Variants in LYRM4 observed in about 807,000 individuals in gnomAD.
LYRM4 encodes LYR motif-containing protein 4.
Under a neutral mutation model 11.7 loss-of-function variants are expected in LYRM4, and 9 were observed. That is an observed-to-expected ratio of 0.77 (90% CI 0.46 to 1.34). LYRM4 has a LOEUF of 1.34. Among genes scored for constraint, LYRM4 ranks in the 40% most tolerant of loss-of-function variants. The probability of loss-of-function intolerance (pLI) is 0.00; values close to 1 mark genes in which losing one functional copy is unlikely to be tolerated. For synonymous variants in LYRM4, 42 were observed against 40.4 expected, an observed-to-expected ratio of 1.04 and a Z score of -0.15; for missense variants, 133 against 112.5, an observed-to-expected ratio of 1.18 and a Z score of -0.82.
At chr6:5,229,133 T>C (rs1410078553) in intron 1 of LYRM4, among the ~76,000 whole-genome samples, 2 of 150,718 alleles carry the variant, frequency 1.3e-5, no homozygotes, top group East Asian at 3.9e-4. Context: ...TGAAAAAAGG[T>C]CAGTAGACAC....
At position 5,260,738 on chromosome 6, in the gene LYRM4, G is replaced by GA; in HGVS notation, c.-6dup. Reference sequence around the variant, plus strand: ...TGCGCGACTGGAGGCTGCCATTTTGGAAAGAAAAAAAAATAAACGGGTCCT... The same window carrying GA: ...TGCGCGACTGGAGGCTGCCATTTTGGAAAAGAAAAAAAAATAAACGGGTCCT... On this transcript the variant is annotated 5_prime_UTR_variant, in exon 1 of 3. Coordinates refer to ENST00000330636, the MANE Select transcript of LYRM4 (RefSeq NM_020408.6). 2 of 1,540,422 alleles carry GA rather than the reference G, an allele frequency of 1.3e-6. No homozygotes were observed. Among genetic ancestry groups the GA allele is most frequent in the Non-Finnish European group, 1.7e-6 (2 of 1,144,876 alleles).
chr6:5,086,427 CG>C, the LYRM4 span: 1 of 1,536,488 alleles, frequency 6.5e-7, no homozygotes, highest in Non-Finnish European at 8.7e-7. Context: ...AGCCTGAGGA[CG>C]AAGAGGACGC....
chr6:5,188,371 GAA>G (rs71540852), intron 2 of LYRM4, among the ~76,000 whole-genome samples: 3 of 142,126 alleles, frequency 2.1e-5, no homozygotes, highest in African/African-American at 5.1e-5. Context: ...ACTCTCAAAA[GAA>G]AAAAAAAAGA....
chr6:5,185,079 GTACT>G (rs1462850277), intron 2 of LYRM4, among the ~76,000 whole-genome samples: 2 of 152,200 alleles, frequency 1.3e-5, no homozygotes, highest in Non-Finnish European at 2.9e-5. Context: ...CCCAGCCCCT[GTACT>G]TACTTGCTGC....
Position 5,260,826 on chromosome 6 carries a change from C to G in LYRM4, c.-93G>C. ...CTCCAGCCTGTGCGGAAACCACGAA[C>G]GAAATAAAATGCTGCGGCTCGGCTT... is the stretch of plus-strand genomic sequence containing the variant. On this transcript the variant is annotated 5_prime_UTR_variant, in exon 1 of 3. Transcript: ENST00000330636. 1 of 1,523,644 alleles carries G rather than the reference C, an allele frequency of 6.6e-7. No individual in the cohort carries two copies. Among genetic ancestry groups the G allele is most frequent in the Non-Finnish European group, 8.8e-7 (1 of 1,141,946 alleles). The allele number at this position is 1,523,644 out of a possible 1,614,324, so 94.4% of individuals were successfully genotyped here.
chr6:5,090,994 T>C, the LYRM4 span, among the ~76,000 whole-genome samples: 8,245 of 152,292 alleles, frequency 0.054, 257 homozygotes, highest in Middle Eastern at 0.11. The surrounding 1 kb of genome is among the most constrained non-coding windows in gnomAD (Gnocchi z 4.8). Flanking sequence ...ATTTCTTTTT[T>C]TTTATTAATG....
At chr6:5,056,406 A>G in the LYRM4 span, among the ~76,000 whole-genome samples, 2 of 152,228 alleles carry the variant, frequency 1.3e-5, no homozygotes, top group Non-Finnish European at 2.9e-5. Flanking sequence ...TCTTTAAGGT[A>G]GTTGCAATAT....
At position 5,148,480 on chromosome 6, in the gene LYRM4, AG is replaced by A. The variant is rs1757885846; in HGVS notation, c.208-38990del. ...TAATCCTGAGCTGGGCTGAGGGGGC[AG>A]AGTTAGAACTCTGTATCGTAATCCT... On this transcript the variant is annotated intron_variant, in intron 2 of 2. Coordinates refer to ENST00000330636, the MANE Select transcript of LYRM4 (RefSeq NM_020408.6). 2.6e-5 allele frequency among the ~76,000 whole-genome samples: 4 copies of A among 152,236 alleles called. No individual in the cohort carries two copies. In the South Asian group the frequency reaches 6.2e-4, roughly 24 times the overall value.
At chr6:5,061,610 T>A in the LYRM4 span, among the ~76,000 whole-genome samples, 1 of 152,328 alleles carries the variant, frequency 6.6e-6, no homozygotes, top group East Asian at 1.9e-4. Context: ...GGTTGGGATC[T>A]GAATCTAACT....
intron 1 of LYRM4, among the ~76,000 whole-genome samples, chr6:5,243,333 C>T (rs957101810): frequency 1.3e-5 from 2 of 152,182 alleles, no homozygotes; most frequent in Non-Finnish European, 1.5e-5. Flanking sequence ...CTTGTGCACA[C>T]GGCAAGGACT....
At chr6:5,085,347 C>T in the LYRM4 span, 1 of 627,114 alleles carries the variant, frequency 1.6e-6, no homozygotes, top group Non-Finnish European at 2.7e-6. Flanking sequence ...ACTACGTTGT[C>T]TTGTCGAGCC....
chr6:5,158,720 A>T (rs756947334), intron 2 of LYRM4, among the ~76,000 whole-genome samples: 18 of 151,876 alleles, frequency 1.2e-4, no homozygotes, highest in Non-Finnish European at 1.0e-4. Context: ...CAATCCTTCC[A>T]CCTTGGCCTC....
At chr6:5,183,742 T>C (rs955817773) in intron 2 of LYRM4, among the ~76,000 whole-genome samples, 2 of 152,130 alleles carry the variant, frequency 1.3e-5, no homozygotes, top group Admixed American at 1.3e-4. Context: ...ATAAACAAAA[T>C]TGGAGAAAAA....
At chr6:5,215,956 G>A (rs995255862) in intron 2 of LYRM4, among the ~76,000 whole-genome samples, 1 of 152,196 alleles carries the variant, frequency 6.6e-6, no homozygotes, top group Non-Finnish European at 1.5e-5. Context: ...AACCTCTGAC[G>A]TTCTAATTAC....
At chr6:5,175,122 A>T (rs1331395661) in intron 2 of LYRM4, among the ~76,000 whole-genome samples, 4 of 152,240 alleles carry the variant, frequency 2.6e-5, no homozygotes, top group African/African-American at 9.6e-5. Flanking sequence ...ATTTCTGGGG[A>T]TAAACATAAA....
At chr6:5,189,237 G>A (rs1178402000) in intron 2 of LYRM4, among the ~76,000 whole-genome samples, 2 of 152,142 alleles carry the variant, frequency 1.3e-5, no homozygotes, top group Non-Finnish European at 2.9e-5. Flanking sequence ...TATTTGTTTT[G>A]GAGAAATTAA....
At chr6:5,089,133 A>G in the LYRM4 span, 12 of 152,240 alleles carry the variant, frequency 7.9e-5, no homozygotes, top group Non-Finnish European at 1.6e-4. Context: ...AAAATGGTCA[A>G]TGGTCATATC....
At chr6:5,229,047 G>C (rs1190129598) in intron 1 of LYRM4, among the ~76,000 whole-genome samples, 1 of 142,998 alleles carries the variant, frequency 7.0e-6, no homozygotes, top group Non-Finnish European at 1.5e-5. Flanking sequence ...TAATAGCCCA[G>C]AAAAGGAAAA....
the LYRM4 span, among the ~76,000 whole-genome samples, chr6:5,082,918 C>A: frequency 1.4e-5 from 1 of 69,128 alleles, no homozygotes; most frequent in Non-Finnish European, 4.5e-5. Context: ...GCAGTCCGAG[C>A]TGTTCCTTCC....
Sources: gnomAD v4.1 joint callset for allele counts (sites outside exome capture counted in the v4.1 genomes callset) on GRCh38, gnomAD v4.1.1 for gene constraint, Gnocchi (gnomAD v3.1) non-coding constraint, MANE v1.5 for transcripts, NCBI Gene and HGNC (gene_info 2026-07-23, HGNC 2026-07-21) for gene names.